RECQL5: variants seen among roughly 807,000 people sequenced by gnomAD.
The protein encoded by RECQL5 is RecQ like helicase 5, also known as ATP-dependent DNA helicase Q5.
In RECQL5, 88 loss-of-function variants were observed where a neutral mutation model predicts 103.4. The ratio of observed to expected loss-of-function variants is 0.85; its 90% CI spans 0.72 to 1.02. RECQL5 has a LOEUF of 1.02. RECQL5 is among the 50% of genes least tolerant of loss of function. The pLI, the probability that RECQL5 is intolerant of heterozygous loss-of-function variation, is 0.00. For missense variants in RECQL5, 1,232 were observed against 1,284.3 expected, an observed-to-expected ratio of 0.96 and a Z score of 0.62; for synonymous variants, 552 against 507.9, an observed-to-expected ratio of 1.09 and a Z score of -1.17.
At position 75,647,414 on chromosome 17, in the gene RECQL5, A is replaced by C; in HGVS notation, c.1229+3772T>G. ...GTATTCAAAGAGACAATCTGGAATG[A>C]TGCGTTCTGGCAGAACCCCTGGGAC... On this transcript the variant is annotated intron_variant, in intron 8 of 19. Transcript: ENST00000317905. The C allele has an allele frequency of 6.5e-7, 1 of 1,549,924 alleles. No individual in the cohort carries two copies. The highest frequency in any genetic ancestry group is 8.7e-7 in the Non-Finnish European group (1 of 1,146,952).
Position 75,640,801 on chromosome 17 carries a change from G to T in RECQL5, c.1230-9133C>A. 1 of 1,550,290 alleles carries T rather than the reference G, an allele frequency of 6.5e-7. No individual in the cohort carries two copies. ...CTCCCGGCCCTCCAGCTACTGTTCT[G>T]CTGTTGCTGCTGATAGCCTGCAGCT... On this transcript the variant is annotated intron_variant, in intron 8 of 19. Transcript: ENST00000317905. This position sits in a 1 kb window ranked among gnomAD's most constrained non-coding sequence, Gnocchi z 4.6.
In RECQL5 at chr17:75,629,783, G is replaced by A; in HGVS notation, c.1872C>T (p.Ala624=). The part of the protein sequence containing the change: ...DGQPYDMGGS[A]KSCSAQAEPP... ...GCTCAGCTTGGGCACTGCAGCTCTT[G>A]GCACTGCCTCCCATGTCATAGGGCT... The change falls in exon 15 of 20, where the codon GCC becomes GCT. Residue 624 remains alanine (A), a synonymous_variant. Coordinates refer to ENST00000317905, the MANE Select transcript of RECQL5 (RefSeq NM_004259.7). 6.2e-7 allele frequency: 1 copy of A among 1,613,598 alleles called. No homozygotes were observed. Among genetic ancestry groups the A allele is most frequent in the Non-Finnish European group, 8.5e-7 (1 of 1,179,798 alleles).
At position 75,629,403 on chromosome 17, in the gene RECQL5, C is replaced by G. The variant is rs753080478; in HGVS notation, c.2020G>C (p.Glu674Gln). The change falls in exon 16 of 20, where the codon GAG (glutamate) becomes CAG (glutamine). Residue 674 changes from glutamate to glutamine, a missense_variant. Glu to Gln is a conservative substitution (Grantham distance 29). Coordinates refer to ENST00000317905, the MANE Select transcript of RECQL5 (RefSeq NM_004259.7). Reference sequence around the variant, plus strand: ...GCTTGCTCCCTGATCCGAGTTGTCTCCATCAGTTCCGTGGCCGTCTGGAAC... The same window carrying G: ...GCTTGCTCCCTGATCCGAGTTGTCTGCATCAGTTCCGTGGCCGTCTGGAAC... Reference protein sequence around the residue: ...CPFQTATELMETTRIREQAPQ... With the variant: ...CPFQTATELMQTTRIREQAPQ... The G allele has an allele frequency of 6.6e-6, 10 of 1,508,212 alleles. No homozygotes were observed. The South Asian group carries it at 1.4e-4, about 21-fold the overall frequency. 93.4% of individuals were successfully genotyped at this position (1,508,212 alleles called of 1,614,324 possible). A position where few individuals can be genotyped will look rare whatever the true frequency, so the allele number is the denominator to read the frequency against.
chr17:75,628,635 C>T, intron 17 of RECQL5, 37 bp downstream of exon 17: 1 of 1,558,176 alleles, frequency 6.4e-7, no homozygotes, highest in South Asian at 1.2e-5. Flanking sequence ...GCCCACAGCC[C>T]TTCTCTCCTC....
intron 8 of RECQL5, among the ~76,000 whole-genome samples, chr17:75,647,074 A>G (rs1465277407): frequency 6.6e-6 from 1 of 152,178 alleles, no homozygotes; most frequent in Admixed American, 6.5e-5. Flanking sequence ...CCTTGCTCAC[A>G]CTTGCTACTC....
intron 8 of RECQL5, chr17:75,637,959 C>T (rs1286108613): frequency 6.6e-6 from 1 of 152,230 alleles, no homozygotes; most frequent in Admixed American, 6.5e-5. Context: ...TCAGCTTCCC[C>T]ACGTATAGAA....
rs1244798542 is a variant in RECQL5 at position 75,629,266 on chromosome 17, G to A, written c.2157C>T (p.Gly719=). 4.4e-6 allele frequency: 7 copies of A among 1,608,820 alleles called. No homozygotes were observed. The highest frequency in any genetic ancestry group is 5.9e-6 in the Non-Finnish European group (7 of 1,177,180). ...LPGPRGEVPG[G]SAHYGGPSPE... is the part of the protein sequence containing the mutation. The stretch of plus-strand genomic sequence containing the variant: ...GGGAGGGCCCCCCATAGTGAGCGCT[G>A]CCTCCAGGGACCTCCCCTCTGGGCC... The change falls in exon 16 of 20, where the codon GGC becomes GGT. Residue 719 remains glycine (G), a synonymous_variant. Transcript: ENST00000317905.
chr17:75,661,410 AG>A (rs1342323667), intron 5 of RECQL5, among the ~76,000 whole-genome samples, 195 bp downstream of exon 5: 1 of 152,210 alleles, frequency 6.6e-6, no homozygotes, highest in Non-Finnish European at 1.5e-5. Context: ...GGAAGAACTC[AG>A]GAGTCACAAT....
At chr17:75,639,438 G>A (rs1174110656) in intron 8 of RECQL5, 1 of 152,302 alleles carries the variant, frequency 6.6e-6, no homozygotes, top group African/African-American at 2.4e-5. Flanking sequence ...CCTGAGACAG[G>A]AAGAGGCTCT....
chr17:75,645,007 T>C (rs183701271), intron 8 of RECQL5, among the ~76,000 whole-genome samples: 1 of 152,302 alleles, frequency 6.6e-6, no homozygotes, highest in Admixed American at 6.5e-5. Context: ...TTTCTCTGAG[T>C]GTGGGCTTGC....
At chr17:75,661,499 T>C (rs763377690) in intron 5 of RECQL5, 107 bp downstream of exon 5, 21 of 756,780 alleles carry the variant, frequency 2.8e-5, no homozygotes, top group Non-Finnish European at 4.8e-5. Context: ...CCTGAGTATC[T>C]GCAATAAGAT....
At chr17:75,656,802 A>G (rs1358896662) in intron 7 of RECQL5, among the ~76,000 whole-genome samples, 1 of 143,984 alleles carries the variant, frequency 6.9e-6, no homozygotes, top group Non-Finnish European at 1.5e-5. Flanking sequence ...TGGAGTGCAG[A>G]GGCGTGATCT....
chr17:75,663,084 C>A, intron 3 of RECQL5, 87 bp from the exon 4 acceptor site: 1 of 1,292,142 alleles, frequency 7.7e-7, no homozygotes. Context: ...CAGTCATAAA[C>A]TGTCCTCCTC....
intron 8 of RECQL5, among the ~76,000 whole-genome samples, chr17:75,635,998 C>T (rs2059314842): frequency 6.6e-6 from 1 of 152,228 alleles, no homozygotes; most frequent in Non-Finnish European, 1.5e-5. Context: ...GCTTCCCATC[C>T]CTCCGGCTCT....
At position 75,636,964 on chromosome 17, in the gene RECQL5, A is replaced by G. The variant is rs922120987; in HGVS notation, c.1230-5296T>C. 1 of 152,128 alleles carries G rather than the reference A, an allele frequency of 6.6e-6. No individual in the cohort carries two copies. The highest frequency in any genetic ancestry group is 2.4e-5 in the African/African-American group (1 of 41,424). 9.4% of individuals were successfully genotyped at this position (152,128 alleles called of 1,614,324 possible). A position where few individuals can be genotyped will look rare whatever the true frequency, so the allele number is the denominator to read the frequency against. ...GAAGCCCTGGGCGCAAAGCTATGACACTGTCCACAGCCGCAGCCTGCTGCT... is the reference window on the plus strand; with the variant it reads ...GAAGCCCTGGGCGCAAAGCTATGACGCTGTCCACAGCCGCAGCCTGCTGCT... On this transcript the variant is annotated intron_variant, in intron 8 of 19. Transcript: ENST00000317905. The surrounding 1 kb of genome is among the most constrained non-coding windows in gnomAD (Gnocchi z 5.4).
At position 75,627,220 on chromosome 17, in the gene RECQL5, A is replaced by G. The variant is rs149747518; in HGVS notation, c.*202T>C. On this transcript the variant is annotated 3_prime_UTR_variant, in exon 20 of 20. Coordinates refer to ENST00000317905, the MANE Select transcript of RECQL5 (RefSeq NM_004259.7). ...ATGAGGACCGCTCTGAGAAGGGTCT[A>G]TAGGCTTTGCAAGCAGAAAGAAAGG... 2.9e-3 allele frequency: 1,934 copies of G among 663,914 alleles called. 52 individuals carry two copies. The highest frequency in any genetic ancestry group is 0.026 in the South Asian group (1,687 of 64,838). 41.1% of individuals were successfully genotyped at this position (663,914 alleles called of 1,614,324 possible).
chr17:75,661,167 C>G, intron 5 of RECQL5, 101 bp from the exon 6 acceptor site: 1 of 864,378 alleles, frequency 1.2e-6, no homozygotes, highest in South Asian at 1.4e-5. Flanking sequence ...CTTCACAAAC[C>G]CTGAATCTTT....
chr17:75,628,510 A>C, intron 17 of RECQL5, 68 bp from the exon 18 acceptor site: 2 of 1,562,052 alleles, frequency 1.3e-6, no homozygotes, highest in Non-Finnish European at 1.7e-6. Flanking sequence ...CTCCTCCAGA[A>C]GACTGGGTCC....
intron 8 of RECQL5, 41 bp downstream of exon 8, chr17:75,651,145 C>T (rs775294776): frequency 2.5e-6 from 4 of 1,613,874 alleles, no homozygotes; most frequent in Non-Finnish European, 2.5e-6. Context: ...AGTAAATGAT[C>T]TCACTGACAC....
Sources: gnomAD v4.1 joint callset for allele counts (sites outside exome capture counted in the v4.1 genomes callset) on GRCh38, gnomAD v4.1.1 for gene constraint, Gnocchi (gnomAD v3.1) non-coding constraint, MANE v1.5 for transcripts, NCBI Gene and HGNC (gene_info 2026-07-23, HGNC 2026-07-21) for gene names.